Variants in PPP2R2C observed in about 807,000 individuals in gnomAD.
PPP2R2C encodes the protein protein phosphatase 2 regulatory subunit Bgamma.
PPP2R2C carries 10 observed loss-of-function variants against 45.3 expected under a neutral mutation model. The observed-to-expected ratio is 0.22, with a 90% confidence interval of 0.14 to 0.37. The LOEUF is 0.37. Ranked by LOEUF, PPP2R2C falls within the 10% of genes least tolerant of loss-of-function variation. The probability of loss-of-function intolerance (pLI) is 1.00; values close to 1 mark genes in which losing one functional copy is unlikely to be tolerated. For synonymous variants in PPP2R2C, 257 were observed against 245.4 expected, an observed-to-expected ratio of 1.05 and a Z score of -0.44; for missense variants, 308 against 619.7, an observed-to-expected ratio of 0.50 and a Z score of 5.34.
At chr4:6,340,964 G>C (rs1733396383) in intron 6 of PPP2R2C, among the ~76,000 whole-genome samples, 1 of 152,252 alleles carries the variant, frequency 6.6e-6, no homozygotes, top group African/African-American at 2.4e-5. Context: ...GAGAGCTGCA[G>C]GGTCTGGGCT....
chr4:6,342,641 G>C (rs1025609897), intron 6 of PPP2R2C, among the ~76,000 whole-genome samples: 21 of 152,190 alleles, frequency 1.4e-4, no homozygotes, highest in Admixed American at 1.1e-3. Context: ...TTCCGGGCAC[G>C]GCCCTTTCTT....
intron 4 of PPP2R2C, among the ~76,000 whole-genome samples, chr4:6,374,207 C>G (rs1715116217): frequency 6.6e-6 from 1 of 152,168 alleles, no homozygotes; most frequent in Non-Finnish European, 1.5e-5. Flanking sequence ...ACTGGCCCAG[C>G]AAAGTCTTGG....
intron 1 of PPP2R2C, among the ~76,000 whole-genome samples, chr4:6,442,229 G>A (rs565171738): frequency 2.6e-5 from 4 of 152,336 alleles, no homozygotes; most frequent in Admixed American, 1.3e-4. Flanking sequence ...TGGCTGGCCT[G>A]CAGCTCCCCA....
intron 2 of PPP2R2C, among the ~76,000 whole-genome samples, chr4:6,491,498 T>C (rs1050450750): frequency 1.5e-4 from 23 of 152,084 alleles, no homozygotes; most frequent in African/African-American, 5.6e-4. Context: ...GAAGTGATGA[T>C]TGGTTCAAAC....
Position 6,346,794 on chromosome 4 carries a change from T to G in PPP2R2C, c.790+1052A>C, listed in dbSNP as rs145324499. On this transcript the variant is annotated intron_variant, in intron 6 of 8. Transcript: ENST00000382599. ...AAAACCAGACACCCTAAGGGAACAG[T>G]GTGGCCCCATCGCTCCCAAACAGCC... Among the ~76,000 whole-genome samples the G allele has an allele frequency of 1.3e-4, 20 of 152,148 alleles. No homozygotes were observed. In the East Asian group the frequency reaches 3.9e-3, roughly 30 times the overall value.
At chr4:6,415,281 C>A (rs1264435560) in intron 1 of PPP2R2C, among the ~76,000 whole-genome samples, 1 of 152,206 alleles carries the variant, frequency 6.6e-6, no homozygotes, top group Non-Finnish European at 1.5e-5. Flanking sequence ...ATGGAACATC[C>A]CAAGGTCAGA....
At chr4:6,384,324 C>T (rs1034954571) in intron 1 of PPP2R2C, 1 of 985,270 alleles carries the variant, frequency 1.0e-6, no homozygotes, top group African/African-American at 1.7e-5. Context: ...TGATTATAGC[C>T]ATGTGAAATA....
chr4:6,385,611 C>A (rs1716154407), intron 1 of PPP2R2C, among the ~76,000 whole-genome samples: 1 of 152,010 alleles, frequency 6.6e-6, no homozygotes, highest in African/African-American at 2.4e-5. Flanking sequence ...ACTTTGTCAC[C>A]CAGGATGGAG....
intron 2 of PPP2R2C, among the ~76,000 whole-genome samples, chr4:6,497,029 T>C (rs1284539649): frequency 6.6e-6 from 1 of 152,116 alleles, no homozygotes; most frequent in Non-Finnish European, 1.5e-5. Context: ...CTGCCCTCTC[T>C]TCCTGAGGGA....
In PPP2R2C at chr4:6,472,413, T is replaced by A; in HGVS notation, c.-184A>T. ...GGGCGGCCGGGGGCGGGCGCCGCGGTCAAGCGAGCGCGCGGTGGGCGGGCG... is the reference window on the plus strand; with the variant it reads ...GGGCGGCCGGGGGCGGGCGCCGCGGACAAGCGAGCGCGCGGTGGGCGGGCG... On this transcript the variant is annotated 5_prime_UTR_variant, in exon 1 of 9. It removes the in-frame stop codon of an upstream open reading frame in the 5' UTR. Coordinates refer to ENST00000382599, the MANE Select transcript of PPP2R2C (RefSeq NM_020416.4). 7.5e-6 allele frequency: 5 copies of A among 665,464 alleles called. No homozygotes were observed. The highest frequency in any genetic ancestry group is 9.2e-6 in the Non-Finnish European group (5 of 541,296). 41.2% of individuals were successfully genotyped at this position (665,464 alleles called of 1,614,324 possible).
At chr4:6,517,790 A>C (rs1723869972) in intron 2 of PPP2R2C, among the ~76,000 whole-genome samples, 1 of 152,154 alleles carries the variant, frequency 6.6e-6, no homozygotes, top group Non-Finnish European at 1.5e-5. Flanking sequence ...TGGGGTCTGG[A>C]AGCCAGGTAG....
At chr4:6,333,427 T>C (rs1231433668) in intron 7 of PPP2R2C, 135 bp downstream of exon 7, 3 of 1,038,584 alleles carry the variant, frequency 2.9e-6, no homozygotes, top group Non-Finnish European at 2.7e-6. Context: ...AGTTGCTGGA[T>C]TTCTTCAGCC....
At chr4:6,453,481 A>G (rs1250197328) in intron 1 of PPP2R2C, among the ~76,000 whole-genome samples, 2 of 107,812 alleles carry the variant, frequency 1.9e-5, no homozygotes, top group East Asian at 5.7e-4. Flanking sequence ...GAAACTGCCC[A>G]CCCCACCCCA....
chr4:6,399,384 G>C (rs561541870), intron 1 of PPP2R2C, among the ~76,000 whole-genome samples: 1 of 152,278 alleles, frequency 6.6e-6, no homozygotes, highest in East Asian at 1.9e-4. Context: ...ACGTAATCGA[G>C]TCCACCACCC....
At chr4:6,427,644 G>A (rs1719399410) in intron 1 of PPP2R2C, among the ~76,000 whole-genome samples, 1 of 152,202 alleles carries the variant, frequency 6.6e-6, no homozygotes, top group Non-Finnish European at 1.5e-5. Flanking sequence ...TTGTGGCCAT[G>A]CTTGTCCCTA....
At chr4:6,499,030 G>A (rs1298329086) in intron 2 of PPP2R2C, among the ~76,000 whole-genome samples, 2 of 152,090 alleles carry the variant, frequency 1.3e-5, no homozygotes, top group African/African-American at 2.4e-5. Flanking sequence ...AGGGCAAAGC[G>A]GACCACACAG....
At chr4:6,522,964 G>T (rs958724251) in intron 2 of PPP2R2C, among the ~76,000 whole-genome samples, 7 of 152,256 alleles carry the variant, frequency 4.6e-5, no homozygotes, top group African/African-American at 1.7e-4. Flanking sequence ...AGAGGGGCAG[G>T]CCGCAGATGC....
chr4:6,474,693 G>A (rs959788771), upstream of PPP2R2C, among the ~76,000 whole-genome samples: 11 of 152,046 alleles, frequency 7.2e-5, no homozygotes, highest in Non-Finnish European at 1.5e-4. Flanking sequence ...GGGCCCCAAG[G>A]CTTGCATCCA....
At chr4:6,359,586 T>C (rs2109261195) in intron 5 of PPP2R2C, among the ~76,000 whole-genome samples, 1 of 151,346 alleles carries the variant, frequency 6.6e-6, no homozygotes, top group Admixed American at 6.6e-5. Context: ...AGATTTTTAT[T>C]ACTAAAATAA....
Sources: allele counts gnomAD v4.1 joint callset (sites outside exome capture counted in the v4.1 genomes callset), GRCh38; gene constraint gnomAD v4.1.1; transcripts MANE v1.5; gene names NCBI Gene and HGNC (gene_info 2026-07-23, HGNC 2026-07-21).